GPR141: variants seen among roughly 807,000 people sequenced by gnomAD.
The protein encoded by GPR141 is probable G protein-coupled receptor 141.
In GPR141, 6 loss-of-function variants were observed where a neutral mutation model predicts 6.8. The observed-to-expected ratio is 0.88, with a 90% CI of 0.48 to 1.74. GPR141 has a LOEUF of 1.74. Among genes scored for constraint, GPR141 ranks in the 40% most tolerant of loss-of-function variants. GPR141 has a pLI of 0.01. For missense variants in GPR141, 372 were observed against 372.9 expected, an observed-to-expected ratio of 1.00 and a Z score of 0.02; for synonymous variants, 140 against 142.3, an observed-to-expected ratio of 0.98 and a Z score of 0.11.
chr7:37,695,622 G>A (rs1301357019), intron 2 of GPR141, among the ~76,000 whole-genome samples: 3 of 152,240 alleles, frequency 2.0e-5, no homozygotes, highest in South Asian at 2.1e-4. Context: ...CTAAGTTTCC[G>A]TGTTCACTCA....
chr7:37,715,033 G>A (rs1810980613), intron 2 of GPR141, among the ~76,000 whole-genome samples: 1 of 152,146 alleles, frequency 6.6e-6, no homozygotes, highest in South Asian at 2.1e-4. Context: ...TATGTTACTG[G>A]TTTTAAAGTT....
intron 2 of GPR141, among the ~76,000 whole-genome samples, chr7:37,728,974 T>G (rs1049379226): frequency 7.9e-5 from 12 of 152,146 alleles, no homozygotes; most frequent in Non-Finnish European, 1.5e-4. Flanking sequence ...AATTTGGACT[T>G]CATTCTAGTT....
At chr7:37,699,274 T>G (rs572184014) in intron 2 of GPR141, among the ~76,000 whole-genome samples, 101 of 152,036 alleles carry the variant, frequency 6.6e-4, no homozygotes, top group Non-Finnish European at 1.2e-3. Context: ...TGTAAACACA[T>G]AGGTGGGCCA....
At chr7:37,703,130 G>T (rs996951179) in intron 2 of GPR141, among the ~76,000 whole-genome samples, 3 of 151,950 alleles carry the variant, frequency 2.0e-5, no homozygotes, top group African/African-American at 7.3e-5. Context: ...ATTCTTCAAA[G>T]AATTTTACTG....
chr7:37,725,707 A>T (rs999139495), intron 2 of GPR141, among the ~76,000 whole-genome samples: 1 of 152,250 alleles, frequency 6.6e-6, no homozygotes, highest in African/African-American at 2.4e-5. Context: ...TTTTTAGTGT[A>T]GTCACAGAGT....
intron 2 of GPR141, among the ~76,000 whole-genome samples, chr7:37,690,333 G>C (rs1809699852): frequency 6.6e-6 from 1 of 152,144 alleles, no homozygotes; most frequent in African/African-American, 2.4e-5. Context: ...TTGGGTCGTG[G>C]GAGCAGATCC....
At chr7:37,700,153 T>C (rs569547061) in intron 2 of GPR141, among the ~76,000 whole-genome samples, 1 of 152,384 alleles carries the variant, frequency 6.6e-6, no homozygotes, top group South Asian at 2.1e-4. Flanking sequence ...TTACAAATTA[T>C]TCAATTGATG....
intron 2 of GPR141, among the ~76,000 whole-genome samples, chr7:37,735,264 T>C (rs1266942039): frequency 2.0e-5 from 3 of 152,256 alleles, no homozygotes; most frequent in Non-Finnish European, 4.4e-5. Flanking sequence ...AAGCAACTTC[T>C]TTCACAACAG....
rs984807259 is a variant in GPR141 at position 37,729,548 on chromosome 7, G to T, written c.-14-10832G>T. ...TAAAAATTATATGCTAGTTTTGAAA[G>T]AAATTCAAAGTTAAAAACAAGTCCA... On this transcript the variant is annotated intron_variant, in intron 2 of 2. Transcript: ENST00000334425. 2.0e-5 allele frequency among the ~76,000 whole-genome samples: 3 copies of T among 152,120 alleles called. No homozygotes were observed. In the East Asian group the frequency reaches 5.8e-4, roughly 29 times the overall value.
At chr7:37,728,397 T>C (rs558525608) in intron 2 of GPR141, among the ~76,000 whole-genome samples, 19 of 152,184 alleles carry the variant, frequency 1.2e-4, no homozygotes, top group Non-Finnish European at 2.4e-4. Context: ...AGGTTATACT[T>C]GTTTGTCTGT....
intron 2 of GPR141, among the ~76,000 whole-genome samples, chr7:37,692,180 T>A (rs1396633329): frequency 1.3e-5 from 2 of 152,034 alleles, no homozygotes; most frequent in African/African-American, 4.8e-5. Flanking sequence ...CAGTGTGTGA[T>A]GTTCCCCTCC....
Position 37,742,926 on chromosome 7 carries a change from T to G in GPR141, c.*1615T>G, listed in dbSNP as rs752481264. ...CGGAATTACTTTTTGTAAAATTGTA[T>G]TAATAACTTGTGGCATGTGGCACGT... On this transcript the variant is annotated 3_prime_UTR_variant, in exon 3 of 3. Transcript: ENST00000334425. 7.2e-5 allele frequency among the ~76,000 whole-genome samples: 11 copies of G among 152,092 alleles called. No individual in the cohort carries two copies. Among genetic ancestry groups the G allele is most frequent in the Non-Finnish European group, 1.3e-4 (9 of 68,042 alleles).
At chr7:37,719,509 G>A (rs1312381210) in intron 2 of GPR141, among the ~76,000 whole-genome samples, 1 of 152,124 alleles carries the variant, frequency 6.6e-6, no homozygotes, top group East Asian at 1.9e-4. Context: ...ATTGACAGAT[G>A]GGTCCTCTCC....
Position 37,706,679 on chromosome 7 carries a change from T to A in GPR141, c.-15+21096T>A, listed in dbSNP as rs144247901. Among the ~76,000 whole-genome samples, 1,399 of 151,292 alleles carry A rather than the reference T, an allele frequency of 9.2e-3. 25 individuals carry two copies. The highest frequency in any genetic ancestry group is 0.031 in the African/African-American group (1,284 of 41,208). On this transcript the variant is annotated intron_variant, in intron 2 of 2. Transcript: ENST00000334425. The stretch of plus-strand genomic sequence containing the variant: ...TGAACCTAGTACTCAAATGGAGAGG[T>A]TTCATGATGGGTGTCATGAAAATGT...
chr7:37,694,980 G>A (rs1369636055), intron 2 of GPR141, among the ~76,000 whole-genome samples: 1 of 152,202 alleles, frequency 6.6e-6, no homozygotes, highest in Non-Finnish European at 1.5e-5. Flanking sequence ...CCAGCAGGCA[G>A]TGTACAGCCT....
chr7:37,685,406 T>G (rs1038220458), intron 1 of GPR141, 54 bp from the exon 2 acceptor site: 2 of 151,042 alleles, frequency 1.3e-5, no homozygotes, highest in East Asian at 1.9e-4. Context: ...TCCTGCCTTC[T>G]TCCCTCCCTC....
intron 2 of GPR141, among the ~76,000 whole-genome samples, chr7:37,721,331 TGC>T (rs752825740): frequency 4.6e-5 from 7 of 152,166 alleles, no homozygotes; most frequent in Non-Finnish European, 1.0e-4. Context: ...TCCATCTTAG[TGC>T]CAGGAACTGA....
At chr7:37,688,564 C>A (rs1780697391) in intron 2 of GPR141, among the ~76,000 whole-genome samples, 1 of 152,186 alleles carries the variant, frequency 6.6e-6, no homozygotes, top group South Asian at 2.1e-4. Flanking sequence ...TCATTTTAGC[C>A]CTGGCCTGAG....
At chr7:37,706,800 T>C (rs1374139012) in intron 2 of GPR141, among the ~76,000 whole-genome samples, 1 of 152,184 alleles carries the variant, frequency 6.6e-6, no homozygotes. Flanking sequence ...GTGAATTTTG[T>C]AGGACGCTTT....
Sources: gnomAD v4.1 joint callset for allele counts (sites outside exome capture counted in the v4.1 genomes callset) on GRCh38, gnomAD v4.1.1 for gene constraint, MANE v1.5 for transcripts, NCBI Gene and HGNC (gene_info 2026-07-23, HGNC 2026-07-21) for gene names.